The following CDC42BPA variants were observed in gnomAD, a reference collection of about 807,000 sequenced individuals.
CDC42BPA encodes CDC42 binding protein kinase alpha.
CDC42BPA carries 80 observed loss-of-function variants against 223.5 expected under a neutral mutation model. That is an observed-to-expected ratio of 0.36 (90% CI 0.30 to 0.43). The LOEUF (loss-of-function observed/expected upper bound fraction) is 0.43, where lower values mean the gene tolerates loss of function less well. CDC42BPA is among the 20% of genes least tolerant of loss of function. The pLI is 1.00. For missense variants in CDC42BPA, 1,743 were observed against 2,099.9 expected (o/e 0.83, Z 3.32); for synonymous variants, 694 against 718.6 (o/e 0.97, Z 0.55).
intron 10 of CDC42BPA, among the ~76,000 whole-genome samples, chr1:227,132,499 C>T (rs1377304433): frequency 7.3e-6 from 1 of 137,526 alleles, no homozygotes; most frequent in African/African-American, 2.8e-5. Context: ...ACCTCCCAGC[C>T]GCCTGCCTTG....
chr1:227,316,437 G>A (rs4653819), intron 1 of CDC42BPA, among the ~76,000 whole-genome samples: 46,760 of 152,018 alleles, frequency 0.31, 7,368 homozygotes, highest in East Asian at 0.37. Context: ...ACTATCACAA[G>A]ATTTTTAAAC....
chr1:227,317,913 C>G lies in CDC42BPA; in HGVS notation c.-731G>C, dbSNP rs1694656046. 1 of 398,570 alleles carries G rather than the reference C, an allele frequency of 2.5e-6. No homozygotes were observed. Among genetic ancestry groups the G allele is most frequent in the African/African-American group, 2.1e-5 (1 of 48,746 alleles). The allele number at this position is 398,570 out of a possible 1,614,324, so 24.7% of individuals were successfully genotyped here. A position where few individuals can be genotyped will look rare whatever the true frequency, so the allele number is the denominator to read the frequency against. On this transcript the variant is annotated 5_prime_UTR_variant, in exon 1 of 37. Coordinates refer to ENST00000366766, the MANE Select transcript of CDC42BPA (RefSeq NM_001394014.1). The stretch of plus-strand genomic sequence containing the variant: ...TATTTTCAACGGATTCCGGTGAAAA[C>G]TCTTCATTTTCCTCCCGGCTTCACC...
At chr1:227,008,316 T>C (rs929669444) in intron 34 of CDC42BPA, among the ~76,000 whole-genome samples, 1 of 152,188 alleles carries the variant, frequency 6.6e-6, no homozygotes, top group Non-Finnish European at 1.5e-5. Context: ...GTTTTAAAGA[T>C]ACAAAATAAC....
At chr1:227,303,827 T>A (rs1209596705) in intron 1 of CDC42BPA, among the ~76,000 whole-genome samples, 1 of 152,196 alleles carries the variant, frequency 6.6e-6, no homozygotes, top group Admixed American at 6.5e-5. Flanking sequence ...TTTAAAAAAA[T>A]TATTTTATTA....
At chr1:227,184,115 T>C (rs1668381147) in intron 5 of CDC42BPA, among the ~76,000 whole-genome samples, 1 of 152,204 alleles carries the variant, frequency 6.6e-6, no homozygotes, top group African/African-American at 2.4e-5. Context: ...TAAGGTATGT[T>C]GACAACTATT....
chr1:227,021,234 T>C (rs12402400), intron 32 of CDC42BPA, among the ~76,000 whole-genome samples: 33,778 of 151,996 alleles, frequency 0.22, 4,099 homozygotes, highest in African/African-American at 0.28. Context: ...AAAATGGCAC[T>C]GAGACTTACT....
At position 227,024,641 on chromosome 1, in the gene CDC42BPA, C is replaced by T. The variant is rs527983314; in HGVS notation, c.4531-1294G>A. Among the ~76,000 whole-genome samples, 8 of 152,122 alleles carry T rather than the reference C, an allele frequency of 5.3e-5. No individual in the cohort carries two copies. In the South Asian group the frequency reaches 1.2e-3, roughly 24 times the overall value. ...TATATGGTATATATAACAACATGAA[C>T]GAATGAGACTCAGTGGATGAGTAAA... is the stretch of plus-strand genomic sequence containing the variant. On this transcript the variant is annotated intron_variant, in intron 31 of 36. Coordinates refer to ENST00000366766, the MANE Select transcript of CDC42BPA (RefSeq NM_001394014.1).
chr1:227,026,219 A>G, intron 30 of CDC42BPA, 67 bp from the exon 31 acceptor site: 1 of 819,698 alleles, frequency 1.2e-6, no homozygotes, highest in Admixed American at 2.3e-5. Flanking sequence ...ATATTTTGAA[A>G]GGTCTACACT....
chr1:227,288,610 T>C (rs113924695), intron 1 of CDC42BPA, among the ~76,000 whole-genome samples: 46,695 of 149,424 alleles, frequency 0.31, 7,351 homozygotes, highest in East Asian at 0.37. Flanking sequence ...GCAGGAGAAT[T>C]GCTTGAACCC....
At chr1:227,174,531 T>C (rs1229149562) in intron 5 of CDC42BPA, among the ~76,000 whole-genome samples, 1 of 152,156 alleles carries the variant, frequency 6.6e-6, no homozygotes, top group Non-Finnish European at 1.5e-5. Flanking sequence ...TTATGTGGTA[T>C]TTCCCCCCCA....
chr1:227,154,363 G>C (rs1662335442), intron 6 of CDC42BPA, among the ~76,000 whole-genome samples: 1 of 151,798 alleles, frequency 6.6e-6, no homozygotes, highest in African/African-American at 2.4e-5. Context: ...TTGTACTGAA[G>C]GTCATTAGAC....
intron 5 of CDC42BPA, among the ~76,000 whole-genome samples, chr1:227,181,279 A>G (rs1667893962): frequency 1.3e-5 from 2 of 152,216 alleles, no homozygotes; most frequent in African/African-American, 4.8e-5. Context: ...AAAACCCACC[A>G]TTTTGTTAAA....
chr1:227,114,455 G>GAAA (rs34688481), intron 12 of CDC42BPA, among the ~76,000 whole-genome samples: 1 of 133,576 alleles, frequency 7.5e-6, no homozygotes, highest in East Asian at 2.1e-4. Flanking sequence ...TTTATTTCAG[G>GAAA]AAAAAAAAAA....
rs761333678 is a variant in CDC42BPA, at chr1:227,139,707, G to A, written c.1259C>T (p.Ala420Val). The change falls in exon 10 of 37, where the codon GCT becomes GTT. Residue 420 changes from alanine to valine, a missense_variant. Coordinates refer to ENST00000366766, the MANE Select transcript of CDC42BPA (RefSeq NM_001394014.1). ...LSDRSCLRVT[A>V]GPTSLDLDVN... is the part of the protein sequence containing the mutation. ...ATCAAGATCCAGTGAGGTGGGACCA[G>A]CCGTAACTCTTAAACAGCTCCGATC... 1 of 1,598,004 alleles carries A rather than the reference G, an allele frequency of 6.3e-7. No individual in the cohort carries two copies. The highest frequency in any genetic ancestry group is 8.5e-7 in the Non-Finnish European group (1 of 1,174,214).
chr1:227,113,210 T>C (rs1183445277), intron 12 of CDC42BPA, among the ~76,000 whole-genome samples: 2 of 152,188 alleles, frequency 1.3e-5, no homozygotes, highest in Non-Finnish European at 2.9e-5. Flanking sequence ...AAATAAATAT[T>C]TGTGAAATTT....
At chr1:227,250,395 G>A (rs936876574) in intron 2 of CDC42BPA, among the ~76,000 whole-genome samples, 1 of 152,124 alleles carries the variant, frequency 6.6e-6, no homozygotes, top group Non-Finnish European at 1.5e-5. Context: ...AGCTGAGGCA[G>A]GAGAATCACT....
intron 14 of CDC42BPA, among the ~76,000 whole-genome samples, 162 bp from the exon 15 acceptor site, chr1:227,101,401 A>G (rs1202077532): frequency 2.0e-5 from 3 of 147,058 alleles, no homozygotes; most frequent in Admixed American, 6.7e-5. Flanking sequence ...TGCCTGCCAT[A>G]TATTGCAAAT....
intron 30 of CDC42BPA, among the ~76,000 whole-genome samples, chr1:227,026,403 A>G (rs1436675918): frequency 1.3e-5 from 2 of 152,226 alleles, no homozygotes; most frequent in Non-Finnish European, 2.9e-5. Context: ...CCAGGGGTAT[A>G]CTATTTCTTT....
intron 2 of CDC42BPA, among the ~76,000 whole-genome samples, chr1:227,222,095 T>C (rs1194288139): frequency 4.2e-5 from 6 of 143,418 alleles, no homozygotes; most frequent in Admixed American, 1.4e-4. Flanking sequence ...TAGTCAGGGA[T>C]AGTGGTGCAT....
Sources: gnomAD v4.1 joint callset for allele counts (sites outside exome capture counted in the v4.1 genomes callset) on GRCh38, gnomAD v4.1.1 for gene constraint, MANE v1.5 for transcripts, NCBI Gene and HGNC (gene_info 2026-07-23, HGNC 2026-07-21) for gene names.